The following GLRX3 variants were observed in gnomAD, a reference collection of about 807,000 sequenced individuals.
GLRX3 encodes glutaredoxin-3.
A neutral mutation model predicts 49.5 loss-of-function variants in GLRX3; 22 were observed. The observed-to-expected ratio is 0.44, with a 90% CI of 0.32 to 0.63. The LOEUF (loss-of-function observed/expected upper bound fraction) is 0.63. GLRX3 is among the 30% of genes least tolerant of loss of function. The probability of loss-of-function intolerance (pLI) is 0.05; values close to 1 mark genes in which losing one functional copy is unlikely to be tolerated. For missense variants in GLRX3, 385 were observed against 396.3 expected, an observed-to-expected ratio of 0.97 and a Z score of 0.24; for synonymous variants, 133 against 140.0, an observed-to-expected ratio of 0.95 and a Z score of 0.35.
At chr10:130,159,055 CT>C (rs1210232019) in intron 2 of GLRX3, among the ~76,000 whole-genome samples, 1 of 152,060 alleles carries the variant, frequency 6.6e-6, no homozygotes, top group Admixed American at 6.5e-5. Flanking sequence ...CAGTGGAAAT[CT>C]TTTACTCTTG....
intron 1 of GLRX3, among the ~76,000 whole-genome samples, chr10:130,138,508 G>A (rs1862109828): frequency 6.6e-6 from 1 of 152,210 alleles, no homozygotes; most frequent in East Asian, 1.9e-4. Context: ...GGTTAGAAAT[G>A]CTTTATGGGG....
At chr10:130,161,584 A>T (rs1482988691) in intron 4 of GLRX3, among the ~76,000 whole-genome samples, 1 of 152,210 alleles carries the variant, frequency 6.6e-6, no homozygotes, top group Non-Finnish European at 1.5e-5. Context: ...CTTGGCTTGT[A>T]GTCACTCTTA....
At chr10:130,147,780 A>G (rs1862296122) in intron 2 of GLRX3, among the ~76,000 whole-genome samples, 1 of 152,170 alleles carries the variant, frequency 6.6e-6, no homozygotes, top group South Asian at 2.1e-4. Flanking sequence ...CTCGGCTCAC[A>G]CCTGTAATCC....
chr10:130,170,982 G>A (rs1250206732), intron 7 of GLRX3, among the ~76,000 whole-genome samples: 1 of 152,072 alleles, frequency 6.6e-6, no homozygotes, highest in African/African-American at 2.4e-5. Flanking sequence ...CAAAAAGTTT[G>A]CTGGGCGTGG....
chr10:130,168,606 G>A (rs893847845), intron 6 of GLRX3, among the ~76,000 whole-genome samples: 11 of 152,142 alleles, frequency 7.2e-5, no homozygotes, highest in Non-Finnish European at 1.2e-4. Flanking sequence ...CACCACGTCC[G>A]GCTAATTCTT....
At chr10:130,169,571 C>A in intron 7 of GLRX3, 81 bp downstream of exon 7, 1 of 885,154 alleles carries the variant, frequency 1.1e-6, no homozygotes, top group Non-Finnish European at 1.9e-6. Context: ...AATCTTTTTC[C>A]TAGCTTTAGC....
rs1345655231 is a variant in GLRX3, at chr10:130,145,122, C to CT, written c.93-81dup. The CT allele has an allele frequency of 4.0e-5, 22 of 547,324 alleles. 1 individual carries two copies. Among genetic ancestry groups the CT allele is most frequent in the South Asian group, 1.2e-4 (4 of 33,312 alleles). 33.9% of individuals were successfully genotyped at this position (547,324 alleles called of 1,614,324 possible). Reference sequence around the variant, plus strand: ...CTTCAGACGGTTCTTTTAAAGCTTTCTTTTTTTTCTTTTTGGTAATTTATA... The same window carrying CT: ...CTTCAGACGGTTCTTTTAAAGCTTTCTTTTTTTTTCTTTTTGGTAATTTATA... On this transcript the variant is annotated intron_variant, in intron 1 of 10. Transcript: ENST00000331244.
chr10:130,162,464 T>A (rs1862593621), intron 4 of GLRX3, among the ~76,000 whole-genome samples: 1 of 152,240 alleles, frequency 6.6e-6, no homozygotes. Context: ...TGGTTCACAT[T>A]CACCTTCTTC....
At chr10:130,137,291 A>G (rs1862077119) in intron 1 of GLRX3, among the ~76,000 whole-genome samples, 1 of 152,222 alleles carries the variant, frequency 6.6e-6, no homozygotes, top group South Asian at 2.1e-4. Context: ...TTCTGGGTGG[A>G]CTAGAAGCTC....
chr10:130,166,437 T>TG (rs1862690957), intron 4 of GLRX3, 70 bp from the exon 5 acceptor site: 1 of 1,092,738 alleles, frequency 9.2e-7, no homozygotes, highest in Non-Finnish European at 1.4e-6. Context: ...TACGCTGAAC[T>TG]AATGTATTAT....
At chr10:130,168,567 C>T (rs556692606) in intron 6 of GLRX3, among the ~76,000 whole-genome samples, 6 of 152,338 alleles carry the variant, frequency 3.9e-5, no homozygotes, top group African/African-American at 1.2e-4. Flanking sequence ...GCCTCAGCCT[C>T]CCGGGTAGCC....
At chr10:130,175,250 C>T (rs999729837) in intron 10 of GLRX3, among the ~76,000 whole-genome samples, 161 bp downstream of exon 10, 7 of 152,234 alleles carry the variant, frequency 4.6e-5, no homozygotes, top group African/African-American at 1.7e-4. Flanking sequence ...GTGTGCATGA[C>T]TACCCTGCCA....
intron 2 of GLRX3, among the ~76,000 whole-genome samples, chr10:130,145,951 A>G (rs1218249778): frequency 1.3e-5 from 2 of 151,832 alleles, no homozygotes; most frequent in Non-Finnish European, 2.9e-5. Flanking sequence ...ATGCCACCAC[A>G]CCCAGCTAAT....
chr10:130,171,551 A>G, intron 7 of GLRX3, 33 bp from the exon 8 acceptor site: 1 of 1,261,330 alleles, frequency 7.9e-7, no homozygotes, highest in Non-Finnish European at 1.2e-6. Context: ...GTCATACAAA[A>G]ATTGTAATCT....
intron 1 of GLRX3, among the ~76,000 whole-genome samples, chr10:130,138,805 C>T (rs1862115643): frequency 6.9e-6 from 1 of 145,548 alleles, no homozygotes; most frequent in Non-Finnish European, 1.5e-5. Context: ...TTAAATGCTT[C>T]ATGTTTTAAA....
chr10:130,142,027 GCA>G (rs1186135211), intron 1 of GLRX3, among the ~76,000 whole-genome samples: 1 of 152,160 alleles, frequency 6.6e-6, no homozygotes, highest in Non-Finnish European at 1.5e-5. Flanking sequence ...GATTGAAACA[GCA>G]CAGTCTCTGC....
chr10:130,155,898 A>G (rs979182114), intron 2 of GLRX3, among the ~76,000 whole-genome samples: 1 of 152,172 alleles, frequency 6.6e-6, no homozygotes, highest in Non-Finnish European at 1.5e-5. Flanking sequence ...CAGAGGAAAC[A>G]TGGAGAGCCA....
chr10:130,155,028 GTGGTGTGATCATAGC>G (rs1438144555), intron 2 of GLRX3, among the ~76,000 whole-genome samples: 3 of 152,070 alleles, frequency 2.0e-5, no homozygotes. Context: ...CCAGGGTGCA[GTGGTGTGATCATAGC>G]TCACTGCAGC....
chr10:130,151,211 C>T (rs1223012569), intron 2 of GLRX3, among the ~76,000 whole-genome samples: 1 of 152,076 alleles, frequency 6.6e-6, no homozygotes, highest in African/African-American at 2.4e-5. Context: ...CAGGCATGAG[C>T]CATCGTGCCC....
Sources: allele counts gnomAD v4.1 joint callset (sites outside exome capture counted in the v4.1 genomes callset), GRCh38; gene constraint gnomAD v4.1.1; transcripts MANE v1.5; gene names NCBI Gene and HGNC (gene_info 2026-07-23, HGNC 2026-07-21).